Variants in CEP112 observed in about 807,000 individuals in gnomAD.
CEP112 encodes the protein centrosomal protein of 112 kDa.
In CEP112, 127 loss-of-function variants were observed where a neutral mutation model predicts 153.0. That is an observed-to-expected ratio of 0.83 (90% CI 0.72 to 0.96). The LOEUF is 0.96. Ranked by LOEUF, CEP112 falls within the 40% of genes least tolerant of loss-of-function variation. The probability of loss-of-function intolerance (pLI) is 0.00; values close to 1 mark genes in which losing one functional copy is unlikely to be tolerated. For synonymous variants in CEP112, 358 were observed against 374.4 expected, an observed-to-expected ratio of 0.96 and a Z score of 0.51; for missense variants, 1,089 against 1,101.2, an observed-to-expected ratio of 0.99 and a Z score of 0.16.
chr17:65,795,214 C>G (rs2054840888), intron 21 of CEP112, among the ~76,000 whole-genome samples: 1 of 152,160 alleles, frequency 6.6e-6, no homozygotes, highest in African/African-American at 2.4e-5. Context: ...CTCTGAAACA[C>G]CAGCTCATGA....
At chr17:65,698,175 A>G (rs144293146) in intron 23 of CEP112, among the ~76,000 whole-genome samples, 154 of 152,302 alleles carry the variant, frequency 1.0e-3, no homozygotes, top group African/African-American at 3.6e-3. Context: ...CTCTTCACAT[A>G]AGGCAAAATT....
At position 66,018,877 on chromosome 17, in the gene CEP112, C is replaced by T. The variant is rs372742566; in HGVS notation, c.1656+8624G>A. Among the ~76,000 whole-genome samples the T allele has an allele frequency of 1.2e-4, 18 of 152,268 alleles. No individual in the cohort carries two copies. The East Asian group carries it at 3.3e-3, about 28-fold the overall frequency. On this transcript the variant is annotated intron_variant, in intron 16 of 26. Coordinates refer to ENST00000535342, the MANE Select transcript of CEP112 (RefSeq NM_001199165.4). ...CTGGCATGTTTCTCTAGGTAAACAG[C>T]ACCATCTTTTACTCTCTGGAACTGT... is the stretch of plus-strand genomic sequence containing the variant.
chr17:66,094,981 A>G (rs2068281093), intron 8 of CEP112, among the ~76,000 whole-genome samples: 1 of 152,184 alleles, frequency 6.6e-6, no homozygotes, highest in East Asian at 1.9e-4. Flanking sequence ...ACGGCTATCA[A>G]CAAAAAGAAA....
At chr17:66,129,722 C>CATAAAGCAA in intron 6 of CEP112, 24 bp downstream of exon 6, 1 of 1,513,180 alleles carries the variant, frequency 6.6e-7, no homozygotes. Flanking sequence ...TCTATATATA[C>CATAAAGCAA]ATAAAGCAAA....
In CEP112 at chr17:66,066,950, T is replaced by C. The variant is rs2067143549; in HGVS notation, c.856-73A>G. On this transcript the variant is annotated intron_variant, in intron 9 of 26. Transcript: ENST00000535342. ...TAGGACACTTTTTTGAATCCTGATA[T>C]ATTTAATTCTAAAACATAAATAGAA... The C allele has an allele frequency of 4.3e-6, 4 of 930,078 alleles. No individual in the cohort carries two copies. In the South Asian group the frequency reaches 6.3e-5, roughly 15 times the overall value. The allele number at this position is 930,078 out of a possible 1,614,324, so 57.6% of individuals were successfully genotyped here.
chr17:65,910,789 AAATG>A (rs2060255138), intron 19 of CEP112, among the ~76,000 whole-genome samples: 1 of 152,218 alleles, frequency 6.6e-6, no homozygotes, highest in Admixed American at 6.5e-5. Context: ...AATTTCCCTA[AAATG>A]AATGAAGAGA....
chr17:66,151,387 T>C (rs2146684297), intron 4 of CEP112, among the ~76,000 whole-genome samples: 1 of 152,368 alleles, frequency 6.6e-6, no homozygotes, highest in South Asian at 2.1e-4. Context: ...TAGTATTTGT[T>C]CTAAGTATGT....
intron 23 of CEP112, among the ~76,000 whole-genome samples, chr17:65,691,513 C>A (rs1301960506): frequency 6.6e-6 from 1 of 152,154 alleles, no homozygotes; most frequent in East Asian, 1.9e-4. Flanking sequence ...GTGAAATGGT[C>A]TGTGAATGAG....
In CEP112 at chr17:66,092,402, C is replaced by T. The variant is rs182151265; in HGVS notation, c.768+3849G>A. 3.6e-5 allele frequency among the ~76,000 whole-genome samples: 5 copies of T among 138,980 alleles called. No homozygotes were observed. The East Asian group carries it at 1.1e-3, about 30-fold the overall frequency. The allele number at this position is 138,980 out of a possible 152,430, so 91.2% of individuals were successfully genotyped here. On this transcript the variant is annotated intron_variant, in intron 8 of 26. Coordinates refer to ENST00000535342, the MANE Select transcript of CEP112 (RefSeq NM_001199165.4). ...ACACACACACACAGATACACACACA[C>T]ACAACATATGCCCAGGACCTGATGG...
In CEP112 at chr17:66,188,584, GTTTTT is replaced by G. The variant is rs56059206; in HGVS notation, c.-9+3408_-9+3412del. On this transcript the variant is annotated intron_variant, in intron 1 of 26. Transcript: ENST00000535342. ...ATCTGTGTACAGCATTTATCATGCT[GTTTTT>G]TTTTTTTTTTACACATCTGTGTATT... Among the ~76,000 whole-genome samples the G allele has an allele frequency of 2.4e-3, 352 of 147,964 alleles. 1 individual carries two copies. The highest frequency in any genetic ancestry group is 7.8e-3 in the African/African-American group (311 of 39,984).
chr17:65,911,731 T>C (rs917889609), intron 19 of CEP112, among the ~76,000 whole-genome samples: 1 of 152,150 alleles, frequency 6.6e-6, no homozygotes, highest in Non-Finnish European at 1.5e-5. Flanking sequence ...TCAAATAATT[T>C]CACATATAAT....
At chr17:65,816,669 C>G (rs1027950667) in intron 21 of CEP112, among the ~76,000 whole-genome samples, 1 of 151,946 alleles carries the variant, frequency 6.6e-6, no homozygotes, top group African/African-American at 2.4e-5. Context: ...GATGTGCTAT[C>G]CTTTTTATAT....
chr17:65,686,567 T>C (rs2047804854), intron 24 of CEP112, among the ~76,000 whole-genome samples: 1 of 152,178 alleles, frequency 6.6e-6, no homozygotes, highest in African/African-American at 2.4e-5. Context: ...GCTTGTCTCT[T>C]CTTCTTCTTT....
chr17:65,970,274 TG>T (rs2062633924), intron 17 of CEP112, among the ~76,000 whole-genome samples: 1 of 151,790 alleles, frequency 6.6e-6, no homozygotes, highest in African/African-American at 2.4e-5. Flanking sequence ...ATTACATGCA[TG>T]TATGTAGCAT....
chr17:65,865,298 T>C (rs924685271), intron 20 of CEP112, among the ~76,000 whole-genome samples: 1 of 152,108 alleles, frequency 6.6e-6, no homozygotes, highest in African/African-American at 2.4e-5. Context: ...CATCTTGGCC[T>C]CCCAAAGTGC....
At chr17:66,010,592 G>T (rs1257157434) in intron 16 of CEP112, among the ~76,000 whole-genome samples, 1 of 152,108 alleles carries the variant, frequency 6.6e-6, no homozygotes, top group Non-Finnish European at 1.5e-5. Flanking sequence ...TTGGCTGTGG[G>T]TTTCTCATAG....
intron 24 of CEP112, among the ~76,000 whole-genome samples, chr17:65,671,799 G>A (rs1242583914): frequency 1.3e-5 from 2 of 152,094 alleles, no homozygotes; most frequent in African/African-American, 4.8e-5. Context: ...AAGGTGATGT[G>A]TCTGAACTCA....
Position 66,028,184 on chromosome 17 carries a change from C to G in CEP112, c.1596+129G>C, listed in dbSNP as rs186318821. ...AAATAAAATGTAAAATTATACAATG[C>G]GATAAAAGAATCAGAAAAGATGACC... On this transcript the variant is annotated intron_variant, in intron 15 of 26. Coordinates refer to ENST00000535342, the MANE Select transcript of CEP112 (RefSeq NM_001199165.4). The G allele has an allele frequency of 5.1e-6, 3 of 584,524 alleles. No homozygotes were observed. In the South Asian group the frequency reaches 7.1e-5, roughly 14 times the overall value. 36.2% of individuals were successfully genotyped at this position (584,524 alleles called of 1,614,324 possible). A position where few individuals can be genotyped will look rare whatever the true frequency, so the allele number is the denominator to read the frequency against.
intron 4 of CEP112, among the ~76,000 whole-genome samples, chr17:66,156,417 G>A (rs2071442356): frequency 6.6e-6 from 1 of 152,170 alleles, no homozygotes. Context: ...AAGCCATGAA[G>A]ATGAGGAAAA....
Sources: gnomAD v4.1 joint callset for allele counts (sites outside exome capture counted in the v4.1 genomes callset) on GRCh38, gnomAD v4.1.1 for gene constraint, MANE v1.5 for transcripts, NCBI Gene and HGNC (gene_info 2026-07-23, HGNC 2026-07-21) for gene names.